Variants in COL11A1 observed in about 807,000 individuals in gnomAD.
The protein encoded by COL11A1 is collagen type XI alpha 1 chain.
A neutral mutation model predicts 265.2 loss-of-function variants in COL11A1; 74 were observed. The ratio of observed to expected loss-of-function variants is 0.28; its 90% CI spans 0.23 to 0.34. The LOEUF is 0.34. COL11A1 is among the 10% of genes least tolerant of loss of function. COL11A1 has a pLI of 1.00. For missense variants in COL11A1, 2,165 were observed against 2,263.6 expected (o/e 0.96, Z 0.88); for synonymous variants, 816 against 727.6 (o/e 1.12, Z -1.96).
intron 4 of COL11A1, among the ~76,000 whole-genome samples, chr1:103,049,933 T>C (rs1386141499): frequency 6.6e-6 from 1 of 152,236 alleles, no homozygotes; most frequent in Non-Finnish European, 1.5e-5. Flanking sequence ...TGGCCCCCAC[T>C]CTCTTCTGGC....
intron 36 of COL11A1, among the ~76,000 whole-genome samples, chr1:102,970,805 G>A (rs1661896476): frequency 6.6e-6 from 1 of 152,040 alleles, no homozygotes; most frequent in Non-Finnish European, 1.5e-5. Context: ...CAAGAGGTCA[G>A]AGGATCAAGA....
At chr1:102,889,020 T>C (rs946110690) in intron 59 of COL11A1, 101 bp from the exon 60 acceptor site, 18 of 1,085,968 alleles carry the variant, frequency 1.7e-5, no homozygotes, top group Non-Finnish European at 2.8e-6. Flanking sequence ...CACTGTAAAA[T>C]TTAGAGAATG....
At position 103,078,671 on chromosome 1, in the gene COL11A1, T is replaced by G. The variant is rs774693614; in HGVS notation, c.475A>C (p.Ile159Leu). The G allele has an allele frequency of 1.2e-6, 2 of 1,613,178 alleles. No homozygotes were observed. The highest frequency in any genetic ancestry group is 1.7e-6 in the Non-Finnish European group (2 of 1,179,476). The stretch of plus-strand genomic sequence containing the variant: ...TTTGTTACTTACTTCCCGTCAGCGA[T>G]GTTAACAGTTCTGAAGAGGGGATAG... ...EDYPLFRTVN[I>L]ADGKWHRVAI... Residue 159 changes from isoleucine to leucine, a missense_variant, in exon 3 of 67, where the codon ATC becomes CTC. Transcript: ENST00000370096.
At chr1:102,984,297 AAAGG>A (rs1259844062) in intron 30 of COL11A1, 106 bp from the exon 31 acceptor site, 1 of 698,734 alleles carries the variant, frequency 1.4e-6, no homozygotes, top group African/African-American at 1.8e-5. Flanking sequence ...TGTACACTCA[AAAGG>A]AAGATTTGCA....
intron 53 of COL11A1, among the ~76,000 whole-genome samples, chr1:102,913,075 C>T (rs1654882078): frequency 6.6e-6 from 1 of 152,152 alleles, no homozygotes; most frequent in Non-Finnish European, 1.5e-5. Context: ...GATAGCAAAG[C>T]ATCTAGTGGG....
chr1:103,016,073 G>T (rs1666543203), intron 11 of COL11A1, among the ~76,000 whole-genome samples: 2 of 151,878 alleles, frequency 1.3e-5, no homozygotes, highest in African/African-American at 4.8e-5. Context: ...TACAAGCCTG[G>T]TTCTTACAGT....
intron 33 of COL11A1, 21 bp downstream of exon 33, chr1:102,979,039 A>G (rs1225229274): frequency 2.5e-6 from 4 of 1,613,916 alleles, no homozygotes; most frequent in Non-Finnish European, 3.4e-6. Context: ...AATGTACATC[A>G]TTTTAAATCA....
At chr1:102,890,414 A>G (rs748697293) in intron 58 of COL11A1, 37 bp downstream of exon 58, 1 of 1,552,124 alleles carries the variant, frequency 6.4e-7, no homozygotes, top group South Asian at 1.2e-5. Context: ...ATATAAAAGC[A>G]TATTCTTTTA....
chr1:102,897,444 A>C (rs1424233727), intron 57 of COL11A1, among the ~76,000 whole-genome samples: 1 of 150,242 alleles, frequency 6.7e-6, no homozygotes, highest in Non-Finnish European at 1.5e-5. Flanking sequence ...AGAAAAAAAA[A>C]TATATATATA....
rs112098344 is a variant in COL11A1 at position 102,882,028 on chromosome 1, C to A, written c.4972-263G>T. On this transcript the variant is annotated intron_variant, in intron 64 of 66. Coordinates refer to ENST00000370096, the MANE Select transcript of COL11A1 (RefSeq NM_001854.4). ...TCTAAAGGAAAAGGGGAAAGACAAC[C>A]GGGTATAGGCATACTAAGGGTTATA... 0.013 allele frequency among the ~76,000 whole-genome samples: 2,038 copies of A among 152,068 alleles called. 59 individuals carry two copies. The highest frequency in any genetic ancestry group is 0.047 in the African/African-American group (1,953 of 41,492).
chr1:102,961,627 G>T, intron 41 of COL11A1: 1 of 452,564 alleles, frequency 2.2e-6, no homozygotes, highest in Non-Finnish European at 4.0e-6. Flanking sequence ...ACCGTAAGAA[G>T]CAAGATATCT....
chr1:102,905,721 C>T (rs910951276), intron 54 of COL11A1, among the ~76,000 whole-genome samples: 1 of 151,742 alleles, frequency 6.6e-6, no homozygotes, highest in Non-Finnish European at 1.5e-5. Context: ...AATTCTTTAC[C>T]ATATATGTCA....
At chr1:103,058,076 T>C (rs1301958229) in intron 4 of COL11A1, among the ~76,000 whole-genome samples, 1 of 152,204 alleles carries the variant, frequency 6.6e-6, no homozygotes, top group East Asian at 1.9e-4. Context: ...AAATCTGTTG[T>C]TTAGTGTAGC....
intron 28 of COL11A1, among the ~76,000 whole-genome samples, chr1:102,993,650 T>G (rs1664345347): frequency 6.6e-6 from 1 of 151,984 alleles, no homozygotes; most frequent in Admixed American, 6.6e-5. Context: ...CAACTCTCCC[T>G]CCTTAGCCTC....
At chr1:103,030,949 A>G (rs887094987) in intron 5 of COL11A1, 167 bp downstream of exon 5, 11 of 828,470 alleles carry the variant, frequency 1.3e-5, no homozygotes, top group African/African-American at 1.7e-5. Context: ...GCAAGAAAAC[A>G]AGTACCAAAT....
At chr1:102,881,100 A>G (rs912715441) in intron 65 of COL11A1, among the ~76,000 whole-genome samples, 4 of 152,106 alleles carry the variant, frequency 2.6e-5, no homozygotes, top group Non-Finnish European at 5.9e-5. Context: ...TATCTGGATA[A>G]CTGGAAAACA....
chr1:102,879,679 T>G lies in COL11A1; in HGVS notation c.5274+4A>C, dbSNP rs753930720. The G allele has an allele frequency of 6.2e-7, 1 of 1,612,012 alleles. No individual in the cohort carries two copies. Among genetic ancestry groups the G allele is most frequent in the Non-Finnish European group, 8.5e-7 (1 of 1,178,528 alleles). On this transcript the variant is annotated splice_donor_region_variant and intron_variant, in intron 66 of 66. Transcript: ENST00000370096. Reference sequence around the variant, plus strand: ...GAAGGGAGACAAGCAGAACTTATACTCACCGCACAACCATCATACAGTGTT... The same window carrying G: ...GAAGGGAGACAAGCAGAACTTATACGCACCGCACAACCATCATACAGTGTT...
intron 4 of COL11A1, among the ~76,000 whole-genome samples, chr1:103,065,246 C>T (rs1024555350): frequency 6.6e-6 from 1 of 152,064 alleles, no homozygotes; most frequent in Non-Finnish European, 1.5e-5. Context: ...ATTGGCCGGG[C>T]ACGGTGGCTC....
chr1:102,918,278 A>G (rs1383114022), intron 49 of COL11A1, among the ~76,000 whole-genome samples: 1 of 151,864 alleles, frequency 6.6e-6, no homozygotes, highest in East Asian at 1.9e-4. Flanking sequence ...CTCTGTATGT[A>G]CAAAGTTATA....
Sources: allele counts gnomAD v4.1 joint callset (sites outside exome capture counted in the v4.1 genomes callset), GRCh38; gene constraint gnomAD v4.1.1; transcripts MANE v1.5; gene names NCBI Gene and HGNC (gene_info 2026-07-23, HGNC 2026-07-21).